Variants in MACROD2 observed in about 807,000 individuals in gnomAD.
MACROD2 encodes ADP-ribose glycohydrolase MACROD2.
MACROD2 carries 36 observed loss-of-function variants against 70.4 expected under a neutral mutation model. The ratio of observed to expected loss-of-function variants is 0.51; its 90% confidence interval spans 0.39 to 0.68. The LOEUF is 0.68. Among genes scored for constraint, MACROD2 ranks in the 30% least tolerant of loss-of-function variants. MACROD2 has a pLI of 0.00. For synonymous variants in MACROD2, 172 were observed against 178.8 expected, an observed-to-expected ratio of 0.96 and a Z score of 0.30; for missense variants, 496 against 538.4, an observed-to-expected ratio of 0.92 and a Z score of 0.78.
chr20:15,050,533 C>CTTTTTTTTTTTTTTTTTTTTTTTT (rs386393390), intron 5 of MACROD2, among the ~76,000 whole-genome samples: 1 of 77,876 alleles, frequency 1.3e-5, no homozygotes, highest in African/African-American at 6.2e-5. Flanking sequence ...CTATTTAGGT[C>CTTTTTTTTTTTTTTTTTTTTTTTT]TTTTTTTTTT....
At position 15,870,487 on chromosome 20, in the gene MACROD2, C is replaced by T. The variant is rs1236748096; in HGVS notation, c.727+7661C>T. 5.9e-5 allele frequency among the ~76,000 whole-genome samples: 9 copies of T among 152,188 alleles called. No individual in the cohort carries two copies. In the East Asian group the frequency reaches 1.7e-3, roughly 29 times the overall value. ...TGTTGAAATTTAATTGCCGTTGTAA[C>T]AGTATTAAGAGGTAAGACCTTTAAG... is the stretch of plus-strand genomic sequence containing the variant. On this transcript the variant is annotated intron_variant, in intron 9 of 17. Coordinates refer to ENST00000684519, the MANE Select transcript of MACROD2 (RefSeq NM_001351661.2).
intron 6 of MACROD2, among the ~76,000 whole-genome samples, chr20:15,235,419 A>G (rs1010123856): frequency 3.9e-5 from 6 of 152,188 alleles, no homozygotes; most frequent in Admixed American, 6.5e-5. Flanking sequence ...CCCAACTTCA[A>G]TAGGGATCCC....
At chr20:15,930,966 T>C (rs925334641) in intron 10 of MACROD2, among the ~76,000 whole-genome samples, 8 of 152,216 alleles carry the variant, frequency 5.3e-5, no homozygotes, top group Non-Finnish European at 7.3e-5. Context: ...CCCTACTCTG[T>C]AGAAGATGTG....
intron 5 of MACROD2, among the ~76,000 whole-genome samples, chr20:14,965,568 C>T (rs1240379836): frequency 2.1e-5 from 3 of 142,298 alleles, no homozygotes; most frequent in Non-Finnish European, 3.0e-5. Flanking sequence ...TCACGCCATT[C>T]TCCTGACTCA....
At chr20:14,728,024 T>A (rs2071550517) in intron 5 of MACROD2, among the ~76,000 whole-genome samples, 1 of 152,212 alleles carries the variant, frequency 6.6e-6, no homozygotes, top group Non-Finnish European at 1.5e-5. Context: ...TATCTCTATG[T>A]TAAACTAGAG....
At chr20:15,495,846 C>T (rs2047290756) in intron 7 of MACROD2, among the ~76,000 whole-genome samples, 1 of 152,144 alleles carries the variant, frequency 6.6e-6, no homozygotes, top group Non-Finnish European at 1.5e-5. Context: ...TCATCAGTGT[C>T]AGAGAAGCCT....
chr20:15,150,684 G>A (rs1025622554), intron 5 of MACROD2, among the ~76,000 whole-genome samples: 1 of 151,884 alleles, frequency 6.6e-6, no homozygotes, highest in African/African-American at 2.4e-5. Context: ...AAGGTGGGGG[G>A]ATACAAGAGG....
intron 1 of MACROD2, among the ~76,000 whole-genome samples, chr20:14,000,337 T>TAATA (rs1268709010): frequency 1.3e-5 from 2 of 152,152 alleles, no homozygotes; most frequent in East Asian, 3.9e-4. Flanking sequence ...TTTTGTCTCC[T>TAATA]AATGTGGCTG....
rs115741907 is a variant in MACROD2, at chr20:14,565,879, C to T, written c.301+72371C>T. On this transcript the variant is annotated intron_variant, in intron 4 of 17. Coordinates refer to ENST00000684519, the MANE Select transcript of MACROD2 (RefSeq NM_001351661.2). ...CGGCTCAACAGAGTTTAGTTCCTTCCTTTCTTTTTACCCCTAAGACCTAGA... is the reference window on the plus strand; with the variant it reads ...CGGCTCAACAGAGTTTAGTTCCTTCTTTTCTTTTTACCCCTAAGACCTAGA... Among the ~76,000 whole-genome samples the T allele has an allele frequency of 4.3e-3, 647 of 151,966 alleles. 3 individuals are homozygous for T. The highest frequency in any genetic ancestry group is 0.015 in the African/African-American group (626 of 41,484).
intron 8 of MACROD2, among the ~76,000 whole-genome samples, chr20:15,685,230 A>T (rs914985566): frequency 6.6e-6 from 1 of 152,136 alleles, no homozygotes; most frequent in African/African-American, 2.4e-5. Context: ...AAGTTAAGAA[A>T]CTCTAAATCT....
At chr20:15,078,312 T>G (rs2075675622) in intron 5 of MACROD2, among the ~76,000 whole-genome samples, 1 of 152,150 alleles carries the variant, frequency 6.6e-6, no homozygotes, top group Non-Finnish European at 1.5e-5. Flanking sequence ...GTCCTCCATT[T>G]CAGTTTCCAA....
At chr20:15,580,147 G>A (rs551779025) in intron 8 of MACROD2, among the ~76,000 whole-genome samples, 49 of 152,324 alleles carry the variant, frequency 3.2e-4, no homozygotes, top group Admixed American at 1.3e-4. Context: ...CTCTGCAGCC[G>A]TGGGTTTCTT....
intron 8 of MACROD2, among the ~76,000 whole-genome samples, chr20:15,797,183 G>A (rs1261463218): frequency 2.0e-5 from 3 of 151,918 alleles, no homozygotes; most frequent in South Asian, 4.2e-4. Context: ...GCGTGATCTC[G>A]GCTCACTGCA....
chr20:14,624,160 A>G (rs941272721), intron 4 of MACROD2, among the ~76,000 whole-genome samples: 1 of 152,154 alleles, frequency 6.6e-6, no homozygotes, highest in African/African-American at 2.4e-5. Flanking sequence ...GGTAGACCTT[A>G]TGGGGATACA....
At chr20:15,127,035 T>C (rs540249249) in intron 5 of MACROD2, among the ~76,000 whole-genome samples, 14 of 152,264 alleles carry the variant, frequency 9.2e-5, no homozygotes, top group African/African-American at 3.1e-4. Context: ...TCCCTTATTA[T>C]GTACACCTAG....
chr20:15,741,831 T>C (rs2051110727), intron 8 of MACROD2, among the ~76,000 whole-genome samples: 2 of 152,184 alleles, frequency 1.3e-5, no homozygotes, highest in African/African-American at 4.8e-5. Context: ...TCTTTGCATC[T>C]AGTAGAGGTT....
intron 7 of MACROD2, among the ~76,000 whole-genome samples, chr20:15,461,006 A>ATATATTTTTTT: frequency 1.9e-4 from 13 of 67,020 alleles, no homozygotes; most frequent in South Asian, 6.8e-4. Context: ...ATATATATAT[A>ATATATTTTTTT]TTTTTTTTTA....
At chr20:16,044,415 T>C (rs2067350382) in intron 16 of MACROD2, among the ~76,000 whole-genome samples, 156 bp from the exon 17 acceptor site, 1 of 152,008 alleles carries the variant, frequency 6.6e-6, no homozygotes, top group Admixed American at 6.6e-5. Flanking sequence ...AGTAAAAATC[T>C]ACAAGAATAG....
At chr20:15,591,286 G>A (rs1053918715) in intron 8 of MACROD2, among the ~76,000 whole-genome samples, 4 of 152,172 alleles carry the variant, frequency 2.6e-5, no homozygotes, top group African/African-American at 9.7e-5. Context: ...CATTCCTGGG[G>A]CTTCTCCCTT....
Sources: allele counts gnomAD v4.1 joint callset (sites outside exome capture counted in the v4.1 genomes callset), GRCh38; gene constraint gnomAD v4.1.1; transcripts MANE v1.5; gene names NCBI Gene and HGNC (gene_info 2026-07-23, HGNC 2026-07-21).